The following FAM161A variants were observed in gnomAD, a reference collection of about 807,000 sequenced individuals.
FAM161A encodes protein FAM161A.
A neutral mutation model predicts 70.9 loss-of-function variants in FAM161A; 57 were observed. That is an observed-to-expected ratio of 0.80 (90% confidence interval 0.65 to 1.00). The LOEUF (loss-of-function observed/expected upper bound fraction) is 1.00, where lower values mean the gene tolerates loss of function less well. Among genes scored for constraint, FAM161A ranks in the 50% least tolerant of loss-of-function variants. FAM161A has a pLI of 0.00. For synonymous variants in FAM161A, 299 were observed against 295.7 expected, an observed-to-expected ratio of 1.01 and a Z score of -0.12; for missense variants, 880 against 836.0, an observed-to-expected ratio of 1.05 and a Z score of -0.65.
At chr2:61,811,680 A>T in the FAM161A span, among the ~76,000 whole-genome samples, 1 of 151,100 alleles carries the variant, frequency 6.6e-6, no homozygotes, top group East Asian at 2.0e-4. Flanking sequence ...GCCTAAATTT[A>T]TTTTTTGTAG....
chr2:61,837,147 T>C (rs1477846634), intron 4 of FAM161A, among the ~76,000 whole-genome samples: 3 of 152,190 alleles, frequency 2.0e-5, no homozygotes. Context: ...GGATTACAGA[T>C]GTGAGCCATG....
At chr2:61,814,650 G>T in the FAM161A span, among the ~76,000 whole-genome samples, 1 of 152,204 alleles carries the variant, frequency 6.6e-6, no homozygotes, top group Non-Finnish European at 1.5e-5. Flanking sequence ...AGGAGGTTGA[G>T]GCTGCAGTGA....
chr2:61,826,711 TCC>T (rs1421015532), intron 6 of FAM161A, 112 bp from the exon 7 acceptor site: 69 of 886,418 alleles, frequency 7.8e-5, no homozygotes, highest in Non-Finnish European at 1.2e-4. Flanking sequence ...GTGTATGAAT[TCC>T]AATTTGTTAC....
At chr2:61,817,354 C>T in the FAM161A span, among the ~76,000 whole-genome samples, 1 of 152,168 alleles carries the variant, frequency 6.6e-6, no homozygotes, top group Non-Finnish European at 1.5e-5. Context: ...CAAGAAAATG[C>T]AAGAATGCTT....
At chr2:61,805,306 A>G in the FAM161A span, among the ~76,000 whole-genome samples, 1 of 152,192 alleles carries the variant, frequency 6.6e-6, no homozygotes, top group Non-Finnish European at 1.5e-5. Flanking sequence ...ACCTGAGGTC[A>G]GGAGTTCGAG....
In FAM161A at chr2:61,840,513, C is replaced by A; in HGVS notation, c.491G>T (p.Gly164Val). Residue 164 changes from glycine (G) to valine (V), a missense_variant, in exon 3 of 7, where the codon GGC becomes GTC. By Grantham distance (109) the Gly-to-Val change is moderately radical (BLOSUM62 -3). Transcript: ENST00000404929. ...LMTSFSEPDL[G>V]QSSSLYVSSS... ...GGACACATACAAGGAGGAAGACTGG[C>A]CTAAATCAGGCTCTGAAAATGATGT... The A allele has an allele frequency of 6.2e-7, 1 of 1,613,870 alleles. No individual in the cohort carries two copies. The highest frequency in any genetic ancestry group is 8.5e-7 in the Non-Finnish European group (1 of 1,179,862).
At chr2:61,828,284 GAAAAAAA>G (rs35901888) in intron 5 of FAM161A, among the ~76,000 whole-genome samples, 1 of 144,750 alleles carries the variant, frequency 6.9e-6, no homozygotes, top group African/African-American at 2.5e-5. Flanking sequence ...AAAGATATCT[GAAAAAAA>G]AAAAAAGATT....
At chr2:61,822,820 C>T (rs74181275), downstream of FAM161A, among the ~76,000 whole-genome samples, 35,012 of 151,484 alleles carry the variant, frequency 0.23, 4,129 homozygotes, top group African/African-American at 0.24. Context: ...AAACTCCTGA[C>T]CTCAGGTGAT....
At chr2:61,848,084 A>C (rs1228235036) in intron 1 of FAM161A, among the ~76,000 whole-genome samples, 1 of 152,230 alleles carries the variant, frequency 6.6e-6, no homozygotes, top group Non-Finnish European at 1.5e-5. Flanking sequence ...GTTTTTAAGC[A>C]AAAGAATCTA....
intron 5 of FAM161A, among the ~76,000 whole-genome samples, chr2:61,831,986 G>A (rs933092517): frequency 1.7e-4 from 26 of 152,022 alleles, no homozygotes; most frequent in African/African-American, 5.1e-4. Context: ...GCTCACACTT[G>A]GAATCCCGAC....
In FAM161A at chr2:61,840,032, T is replaced by C. The variant is rs769306395; in HGVS notation, c.972A>G (p.Pro324=). 1.9e-6 allele frequency: 3 copies of C among 1,614,084 alleles called. No homozygotes were observed. Among genetic ancestry groups the C allele is most frequent in the African/African-American group, 1.3e-5 (1 of 74,928 alleles). The change falls in exon 3 of 7, where the codon CCA becomes CCG. Residue 324 remains proline, a synonymous_variant. Coordinates refer to ENST00000404929, the MANE Select transcript of FAM161A (RefSeq NM_001201543.2). The stretch of plus-strand genomic sequence containing the variant: ...GTTCCTCCCTTGCTATAAATTTAAA[T>C]GGCTTTTGTGAGGCCAAAAGAGCTT... ...SKEALLASQK[P]FKFIAREEQK...
Position 61,827,144 on chromosome 2 carries a change from T to TG in FAM161A, c.1965dup (p.Asn656GlnfsTer10). 3 of 1,613,976 alleles carry TG rather than the reference T, an allele frequency of 1.9e-6. No individual in the cohort carries two copies. On this transcript the variant is annotated frameshift_variant, in exon 6 of 7. Coordinates refer to ENST00000404929, the MANE Select transcript of FAM161A (RefSeq NM_001201543.2). LOFTEE classifies it high-confidence loss of function. ...GTGACACTTTTCGTCTCTTGATTGTTGAAGTACTCAAGTACTTTTCCACTT... is the reference window on the plus strand; with the variant it reads ...GTGACACTTTTCGTCTCTTGATTGTTGGAAGTACTCAAGTACTTTTCCACTT...
the FAM161A span, among the ~76,000 whole-genome samples, chr2:61,805,060 A>G: frequency 6.6e-6 from 1 of 151,986 alleles, no homozygotes; most frequent in South Asian, 2.1e-4. Context: ...TGAGCCAGAG[A>G]TAACATTCTT....
intron 1 of FAM161A, chr2:61,846,882 G>C (rs118048853): frequency 0.023 from 10,409 of 452,314 alleles, 629 homozygotes; most frequent in East Asian, 0.17. Flanking sequence ...GTTTTCACTC[G>C]AAAAATCAAC....
At chr2:61,838,470 A>G (rs901826292) in intron 4 of FAM161A, 68 bp downstream of exon 4, 31 of 1,300,554 alleles carry the variant, frequency 2.4e-5, no homozygotes, top group Non-Finnish European at 2.9e-5. Context: ...ATATTTTACT[A>G]TCTACTGATT....
chr2:61,834,881 A>C (rs963636318), intron 5 of FAM161A, among the ~76,000 whole-genome samples: 3 of 152,176 alleles, frequency 2.0e-5, no homozygotes, highest in Non-Finnish European at 4.4e-5. Context: ...AAAAACAAAA[A>C]ACTTGCAGTT....
At chr2:61,813,124 T>G in the FAM161A span, among the ~76,000 whole-genome samples, 1 of 151,830 alleles carries the variant, frequency 6.6e-6, no homozygotes, top group African/African-American at 2.4e-5. Context: ...TGTGTTATGT[T>G]CTTATGAAGA....
At chr2:61,816,602 GAC>G in the FAM161A span, among the ~76,000 whole-genome samples, 1 of 151,960 alleles carries the variant, frequency 6.6e-6, no homozygotes, top group East Asian at 1.9e-4. Context: ...TGGGACCACA[GAC>G]ACACACCACT....
chr2:61,808,280 T>A, the FAM161A span, among the ~76,000 whole-genome samples: 11,403 of 130,766 alleles, frequency 0.087, 516 homozygotes, highest in African/African-American at 0.12. Context: ...TATTATTTTT[T>A]TTTTTTTTTT....
Sources: gnomAD v4.1 joint callset for allele counts (sites outside exome capture counted in the v4.1 genomes callset) on GRCh38, gnomAD v4.1.1 for gene constraint, MANE v1.5 for transcripts, NCBI Gene and HGNC (gene_info 2026-07-23, HGNC 2026-07-21) for gene names.